KCNK2: variants seen among roughly 807,000 people sequenced by gnomAD.
KCNK2 encodes the protein potassium two pore domain channel subfamily K member 2.
Under a neutral mutation model 40.5 loss-of-function variants are expected in KCNK2, and 21 were observed. The observed-to-expected ratio is 0.52, with a 90% CI of 0.37 to 0.75. KCNK2 has a LOEUF of 0.75. Ranked by LOEUF, KCNK2 falls within the 30% of genes least tolerant of loss-of-function variation. The pLI is 0.00. For synonymous variants in KCNK2, 191 were observed against 202.2 expected (o/e 0.94, Z 0.47); for missense variants, 399 against 531.6 (o/e 0.75, Z 2.45).
chr1:215,146,714 C>T (rs904499256), intron 3 of KCNK2, among the ~76,000 whole-genome samples: 1 of 152,168 alleles, frequency 6.6e-6, no homozygotes, highest in African/African-American at 2.4e-5. Flanking sequence ...ATATCTCTCG[C>T]CTTAATCTCA....
At chr1:215,134,247 T>C (rs948526862) in intron 3 of KCNK2, among the ~76,000 whole-genome samples, 2 of 152,146 alleles carry the variant, frequency 1.3e-5, no homozygotes, top group South Asian at 4.1e-4. Context: ...TGACACTGTC[T>C]ACCTGGAATT....
At position 215,083,099 on chromosome 1, in the gene KCNK2, G is replaced by C. The variant is rs2102525629; in HGVS notation, c.-287G>C. On this transcript the variant is annotated 5_prime_UTR_variant, in exon 1 of 7. Coordinates refer to ENST00000444842, the MANE Select transcript of KCNK2 (RefSeq NM_001017425.3). ...CGGGCCCGGCAGCAGGCGCGCGCGG[G>C]GGCGGCGGCGCCCAAGCCCAACTTG... 1 of 476,182 alleles carries C rather than the reference G, an allele frequency of 2.1e-6. No homozygotes were observed. 29.5% of individuals were successfully genotyped at this position (476,182 alleles called of 1,614,324 possible).
rs71167812 is a variant in KCNK2 at position 215,177,740 on chromosome 1, A to ATGTGTATATATATATATATATATAT, written c.823+5558_823+5559insGTGTATATATATATATATATATATT. On this transcript the variant is annotated intron_variant, in intron 5 of 6. Coordinates refer to ENST00000444842, the MANE Select transcript of KCNK2 (RefSeq NM_001017425.3). ...TATATGTGTATATATATATATATATATTTTTTTTTTTTGTAGCAGTACCAT... is the reference window on the plus strand; with the variant it reads ...TATATGTGTATATATATATATATATATGTGTATATATATATATATATATATTTTTTTTTTTTTGTAGCAGTACCAT... 2.5e-3 allele frequency among the ~76,000 whole-genome samples: 253 copies of ATGTGTATATATATATATATATATAT among 101,556 alleles called. 4 individuals carry two copies. The highest frequency in any genetic ancestry group is 8.5e-3 in the African/African-American group (242 of 28,464). The allele number at this position is 101,556 out of a possible 152,430, so 66.6% of individuals were successfully genotyped here. A position where few individuals can be genotyped will look rare whatever the true frequency, so the allele number is the denominator to read the frequency against.
chr1:215,159,674 C>T (rs1663106171), intron 3 of KCNK2, among the ~76,000 whole-genome samples: 2 of 151,910 alleles, frequency 1.3e-5, no homozygotes, highest in South Asian at 4.2e-4. Flanking sequence ...TTTGTTTTTT[C>T]CTGATACTAT....
chr1:215,196,026 G>A (rs1664849404), intron 6 of KCNK2, among the ~76,000 whole-genome samples: 1 of 151,914 alleles, frequency 6.6e-6, no homozygotes. Context: ...GAATAAGATA[G>A]AAAATGATGA....
chr1:215,158,326 A>G (rs1367353603), intron 3 of KCNK2, among the ~76,000 whole-genome samples: 5 of 152,118 alleles, frequency 3.3e-5, no homozygotes, highest in Non-Finnish European at 2.9e-5. Flanking sequence ...ATTTTGGGCC[A>G]TTTTATAGGT....
chr1:215,083,194 T>TCCCCCCCTCCCCCCCCCC lies in KCNK2; in HGVS notation c.-185_-184insTCCCCCCCCCCCCCCCCC. The TCCCCCCCTCCCCCCCCCC allele has an allele frequency of 1.4e-5, 7 of 501,812 alleles. No homozygotes were observed. The highest frequency in any genetic ancestry group is 8.1e-5 in the South Asian group (4 of 49,324). The allele number at this position is 501,812 out of a possible 1,614,324, so 31.1% of individuals were successfully genotyped here. On this transcript the variant is annotated 5_prime_UTR_variant, in exon 1 of 7. Transcript: ENST00000444842. ...CCCGCGATTTCGTTTCTTCTCACGC[T>TCCCCCCCTCCCCCCCCCC]CCCCCCCCCGCCCCCTCCCGCGTCC...
chr1:215,051,620 G>C (rs61818266), intron 1 of KCNK2, among the ~76,000 whole-genome samples: 1,544 of 152,298 alleles, frequency 0.01, 26 homozygotes, highest in South Asian at 0.074. Context: ...AAACCTGGAG[G>C]ACATGAAAGA....
chr1:215,120,465 C>G (rs886484888), intron 2 of KCNK2, among the ~76,000 whole-genome samples: 1 of 152,078 alleles, frequency 6.6e-6, no homozygotes, highest in African/African-American at 2.4e-5. Flanking sequence ...AAGAAATGTA[C>G]GTAAAATCTA....
At chr1:215,179,888 G>A (rs375569893) in intron 5 of KCNK2, among the ~76,000 whole-genome samples, 1 of 152,092 alleles carries the variant, frequency 6.6e-6, no homozygotes, top group East Asian at 1.9e-4. Context: ...ATTTGGTCAA[G>A]TGTTGAATTT....
At chr1:215,166,960 G>C (rs1362900427) in intron 3 of KCNK2, among the ~76,000 whole-genome samples, 1 of 151,752 alleles carries the variant, frequency 6.6e-6, no homozygotes, top group Non-Finnish European at 1.5e-5. Flanking sequence ...ATAAGAACAG[G>C]CTAATGGAAA....
At chr1:215,225,994 C>T (rs907688620) in intron 6 of KCNK2, among the ~76,000 whole-genome samples, 1 of 152,112 alleles carries the variant, frequency 6.6e-6, no homozygotes, top group Non-Finnish European at 1.5e-5. Context: ...AACTTTTATC[C>T]TTCTTAGGCC....
chr1:215,074,547 A>C (rs1234630690), intron 1 of KCNK2, among the ~76,000 whole-genome samples: 1 of 152,270 alleles, frequency 6.6e-6, no homozygotes, highest in African/African-American at 2.4e-5. Flanking sequence ...GCAAATGTTC[A>C]CAACAAATAT....
intron 5 of KCNK2, among the ~76,000 whole-genome samples, chr1:215,177,090 T>A (rs1370855612): frequency 6.6e-6 from 1 of 152,194 alleles, no homozygotes; most frequent in African/African-American, 2.4e-5. Flanking sequence ...TAATGATCAC[T>A]GATGTTGAGT....
chr1:215,111,838 AAG>A (rs1462283980), intron 2 of KCNK2, among the ~76,000 whole-genome samples: 1 of 151,510 alleles, frequency 6.6e-6, no homozygotes, highest in African/African-American at 2.4e-5. Flanking sequence ...ATGTGAAATA[AAG>A]AGTCACCTCT....
chr1:215,159,461 C>T (rs1486695824), intron 3 of KCNK2, among the ~76,000 whole-genome samples: 1 of 152,176 alleles, frequency 6.6e-6, no homozygotes, highest in Admixed American at 6.5e-5. Flanking sequence ...TTCCTTCTTT[C>T]CCCTATCAGG....
intron 6 of KCNK2, among the ~76,000 whole-genome samples, chr1:215,206,699 C>T (rs1242942720): frequency 6.6e-6 from 1 of 152,028 alleles, no homozygotes; most frequent in Admixed American, 6.5e-5. Flanking sequence ...CTCCAGGTTT[C>T]CCTCTTCTTT....
intron 3 of KCNK2, among the ~76,000 whole-genome samples, chr1:215,150,159 G>C (rs1662622936): frequency 6.6e-6 from 1 of 152,144 alleles, no homozygotes; most frequent in Non-Finnish European, 1.5e-5. Context: ...TGGCTTCTTG[G>C]AGAATTGATA....
At chr1:215,037,144 G>A (rs915041868) in intron 1 of KCNK2, among the ~76,000 whole-genome samples, 4 of 151,510 alleles carry the variant, frequency 2.6e-5, no homozygotes, top group Admixed American at 2.6e-4. Flanking sequence ...AATGTGCTAC[G>A]AGCCATAAGG....
Sources: allele counts gnomAD v4.1 joint callset (sites outside exome capture counted in the v4.1 genomes callset), GRCh38; gene constraint gnomAD v4.1.1; transcripts MANE v1.5; gene names NCBI Gene and HGNC (gene_info 2026-07-23, HGNC 2026-07-21).